MYO16: variants seen among roughly 807,000 people sequenced by gnomAD.
The protein encoded by MYO16 is myosin XVI.
MYO16 carries 94 observed loss-of-function variants against 205.3 expected under a neutral mutation model. The observed-to-expected ratio is 0.46, with a 90% CI of 0.39 to 0.54. MYO16 has a LOEUF of 0.54. Ranked by LOEUF, MYO16 falls within the 20% of genes least tolerant of loss-of-function variation. MYO16 has a pLI of 0.00. For missense variants in MYO16, 2,315 were observed against 2,387.5 expected (o/e 0.97, Z 0.63); for synonymous variants, 988 against 954.0 (o/e 1.04, Z -0.66).
At chr13:108,660,763 C>T (rs1182249160) in intron 1 of MYO16, among the ~76,000 whole-genome samples, 1 of 152,154 alleles carries the variant, frequency 6.6e-6, no homozygotes, top group Non-Finnish European at 1.5e-5. Flanking sequence ...AGCAATTAGG[C>T]CATTTACATT....
intron 7 of MYO16, among the ~76,000 whole-genome samples, chr13:108,809,604 A>C (rs1285259062): frequency 6.6e-6 from 1 of 152,086 alleles, no homozygotes; most frequent in Non-Finnish European, 1.5e-5. Flanking sequence ...AAACAATGAG[A>C]TCTTTTGAGA....
rs138719309 is a variant in MYO16, at chr13:109,139,204, C to T, written c.4052-1060C>T. Among the ~76,000 whole-genome samples, 698 of 152,292 alleles carry T rather than the reference C, an allele frequency of 4.6e-3. 10 individuals carry two copies. The East Asian group carries it at 0.061, about 13-fold the overall frequency. On this transcript the variant is annotated intron_variant, in intron 31 of 34. Transcript: ENST00000457511. The stretch of plus-strand genomic sequence containing the variant: ...TTTTGACCTCATGATCCGACTACCT[C>T]GGCTTCCCAAAGAGCTGGGATTACA...
At chr13:108,994,025 A>G (rs1193758882) in intron 21 of MYO16, among the ~76,000 whole-genome samples, 1 of 152,224 alleles carries the variant, frequency 6.6e-6, no homozygotes, top group African/African-American at 2.4e-5. Context: ...ATAATTGTCA[A>G]TAGAGTGTCC....
chr13:108,956,673 A>C (rs967930645), intron 16 of MYO16, among the ~76,000 whole-genome samples: 8 of 152,070 alleles, frequency 5.3e-5, no homozygotes, highest in Non-Finnish European at 1.2e-4. Context: ...TACATATTCT[A>C]ATTATTCCAG....
At chr13:108,872,481 A>G (rs1040031457) in intron 12 of MYO16, among the ~76,000 whole-genome samples, 1 of 152,052 alleles carries the variant, frequency 6.6e-6, no homozygotes, top group Non-Finnish European at 1.5e-5. Flanking sequence ...TTTTTTCAGA[A>G]ATACACATTC....
chr13:109,195,442 G>A (rs906822558), intron 34 of MYO16, among the ~76,000 whole-genome samples: 2 of 152,002 alleles, frequency 1.3e-5, no homozygotes, highest in African/African-American at 2.4e-5. Flanking sequence ...ATATATGTAA[G>A]CTTTTAATCA....
chr13:109,016,619 C>T (rs1175185880), intron 22 of MYO16, among the ~76,000 whole-genome samples: 2 of 126,142 alleles, frequency 1.6e-5, no homozygotes, highest in Non-Finnish European at 3.4e-5. Context: ...TCTCTAAGGA[C>T]TTGCTTTATG....
chr13:109,199,270 C>T (rs1342456822), intron 34 of MYO16, among the ~76,000 whole-genome samples: 9 of 133,564 alleles, frequency 6.7e-5, no homozygotes, highest in Middle Eastern at 4.4e-3. Flanking sequence ...CATCTCTGTG[C>T]CCTGGGTAAC....
the MYO16 span, among the ~76,000 whole-genome samples, chr13:108,576,712 A>G: frequency 6.6e-6 from 1 of 152,154 alleles, no homozygotes; most frequent in African/African-American, 2.4e-5. Flanking sequence ...GGGGCATTTC[A>G]GCTTTAAGTT....
chr13:108,789,567 G>A (rs768864399), intron 5 of MYO16, among the ~76,000 whole-genome samples: 5 of 152,196 alleles, frequency 3.3e-5, no homozygotes, highest in Admixed American at 1.3e-4. Flanking sequence ...TAAGATGGTC[G>A]CAAGTCGTGC....
intron 32 of MYO16, among the ~76,000 whole-genome samples, chr13:109,143,172 G>C (rs953814206): frequency 6.6e-6 from 1 of 152,022 alleles, no homozygotes; most frequent in Non-Finnish European, 1.5e-5. Flanking sequence ...TTCACCAAAA[G>C]AAAATACATA....
Position 108,798,520 on chromosome 13 carries a change from T to C in MYO16, c.741+4880T>C, listed in dbSNP as rs1425900171. The stretch of plus-strand genomic sequence containing the variant: ...GGGGCCTCAGAAAATGATACAATTT[T>C]AATAAACACCATGTTACAGAGTATA... On this transcript the variant is annotated intron_variant, in intron 6 of 34. Coordinates refer to ENST00000457511, the MANE Select transcript of MYO16 (RefSeq NM_001198950.3). Among the ~76,000 whole-genome samples the C allele has an allele frequency of 2.6e-5, 4 of 152,150 alleles. No individual in the cohort carries two copies. In the East Asian group the frequency reaches 7.7e-4, roughly 29 times the overall value.
chr13:108,946,400 A>G (rs1882942639), intron 16 of MYO16, among the ~76,000 whole-genome samples: 2 of 152,218 alleles, frequency 1.3e-5, no homozygotes, highest in African/African-American at 4.8e-5. Flanking sequence ...TCAGCCAGCT[A>G]TGTATGGCAC....
rs567953673 is a variant in MYO16, at chr13:108,642,669, A to T, written c.28+12797A>T. Among the ~76,000 whole-genome samples the T allele has an allele frequency of 1.4e-4, 21 of 152,066 alleles. No homozygotes were observed. The South Asian group carries it at 3.3e-3, about 24-fold the overall frequency. On this transcript the variant is annotated intron_variant, in intron 1 of 34. Transcript: ENST00000457511. ...CTGACCTCAGGTGATCTGCTCGCCT[A>T]GGCCTCCCAAAGTGCTGGGATTACA...
chr13:109,131,808 C>T lies in MYO16; in HGVS notation c.4051+4258C>T, dbSNP rs142775831. ...TTCTGCAGAGTTCATTCCTCACACA[C>T]CGGGTGCAGCCTTTCTCCCAAAGAC... is the stretch of plus-strand genomic sequence containing the variant. On this transcript the variant is annotated intron_variant, in intron 31 of 34. Transcript: ENST00000457511. 4.7e-3 allele frequency among the ~76,000 whole-genome samples: 712 copies of T among 152,290 alleles called. 7 individuals carry two copies. The highest frequency in any genetic ancestry group is 0.016 in the African/African-American group (675 of 41,574).
At chr13:108,933,681 T>G (rs1594407184) in intron 16 of MYO16, among the ~76,000 whole-genome samples, 1 of 152,248 alleles carries the variant, frequency 6.6e-6, no homozygotes, top group East Asian at 1.9e-4. Flanking sequence ...AGGTTTGTGG[T>G]ACGAATGATC....
the MYO16 span, among the ~76,000 whole-genome samples, chr13:108,574,350 C>T: frequency 6.6e-6 from 1 of 152,128 alleles, no homozygotes; most frequent in Non-Finnish European, 1.5e-5. Flanking sequence ...ATTACCTTTC[C>T]TTTCAGTGAG....
rs149875387 is a variant in MYO16, at chr13:108,681,710, C to A, written c.292+15561C>A. ...GGGTGGTAAATAAAGAGAGAGAGAG[C>A]CAGAGTTTTGTTTCTCTCCTAAGAG... On this transcript the variant is annotated intron_variant, in intron 2 of 34. Coordinates refer to ENST00000457511, the MANE Select transcript of MYO16 (RefSeq NM_001198950.3). Among the ~76,000 whole-genome samples, 505 of 152,114 alleles carry A rather than the reference C, an allele frequency of 3.3e-3. 4 individuals are homozygous for A. Among genetic ancestry groups the A allele is most frequent in the African/African-American group, 0.012 (492 of 41,500 alleles).
chr13:108,828,047 C>T (rs534792924), intron 9 of MYO16, among the ~76,000 whole-genome samples: 18 of 152,192 alleles, frequency 1.2e-4, no homozygotes, highest in African/African-American at 4.1e-4. Flanking sequence ...ATATTTTTTA[C>T]TACAGTTACC....
Sources: allele counts gnomAD v4.1 joint callset (sites outside exome capture counted in the v4.1 genomes callset), GRCh38; gene constraint gnomAD v4.1.1; transcripts MANE v1.5; gene names NCBI Gene and HGNC (gene_info 2026-07-23, HGNC 2026-07-21).